The following CNTLN variants were observed in gnomAD, a reference collection of about 807,000 sequenced individuals.
CNTLN encodes centlein, centrosomal protein.
CNTLN carries 212 observed loss-of-function variants against 180.0 expected under a neutral mutation model. The ratio of observed to expected loss-of-function variants is 1.18; its 90% CI spans 1.05 to 1.32. The LOEUF (loss-of-function observed/expected upper bound fraction) is 1.32. Among genes scored for constraint, CNTLN ranks in the 40% most tolerant of loss-of-function variants. CNTLN has a pLI of 0.00. For synonymous variants in CNTLN, 722 were observed against 563.1 expected, an observed-to-expected ratio of 1.28 and a Z score of -3.99; for missense variants, 2,095 against 1,610.9, an observed-to-expected ratio of 1.30 and a Z score of -5.14.
chr9:17,316,579 A>G (rs897944383), intron 8 of CNTLN, among the ~76,000 whole-genome samples: 2 of 152,078 alleles, frequency 1.3e-5, no homozygotes, highest in Non-Finnish European at 2.9e-5. Flanking sequence ...TACTGAATGC[A>G]TATTGCTTTC....
chr9:17,433,036 A>AAAAC (rs938356651), intron 18 of CNTLN, among the ~76,000 whole-genome samples: 2 of 149,894 alleles, frequency 1.3e-5, no homozygotes, highest in African/African-American at 4.9e-5. Context: ...AAAAAAAAAA[A>AAAAC]AACAAAGATT....
the CNTLN span, among the ~76,000 whole-genome samples, chr9:17,514,293 G>C: frequency 2.0e-5 from 3 of 152,180 alleles, no homozygotes; most frequent in East Asian, 5.8e-4. Context: ...CTGAGAGACA[G>C]AGCAAGATGC....
At chr9:17,480,789 T>C (rs1832600614) in intron 23 of CNTLN, among the ~76,000 whole-genome samples, 1 of 152,196 alleles carries the variant, frequency 6.6e-6, no homozygotes, top group Non-Finnish European at 1.5e-5. Context: ...AAAAGTAAGT[T>C]CATGAACTGT....
intron 6 of CNTLN, among the ~76,000 whole-genome samples, chr9:17,274,564 T>G (rs1408986649): frequency 6.6e-6 from 1 of 152,014 alleles, no homozygotes; most frequent in African/African-American, 2.4e-5. Context: ...CATGTTTGTA[T>G]TTATTTTGCA....
At chr9:17,213,939 T>C (rs1823528106) in intron 2 of CNTLN, among the ~76,000 whole-genome samples, 1 of 152,172 alleles carries the variant, frequency 6.6e-6, no homozygotes, top group Non-Finnish European at 1.5e-5. Context: ...ATTTTGAGCG[T>C]ATGTGTGTCT....
chr9:17,300,196 TTGAAATC>T (rs1328830931), intron 7 of CNTLN: 2 of 152,164 alleles, frequency 1.3e-5, no homozygotes, highest in African/African-American at 2.4e-5. Flanking sequence ...ATCTGAAAAA[TTGAAATC>T]TGAAATGCTC....
chr9:17,258,797 A>C (rs1051539579), intron 5 of CNTLN, among the ~76,000 whole-genome samples: 1 of 145,600 alleles, frequency 6.9e-6, no homozygotes, highest in African/African-American at 2.7e-5. Context: ...GTGTATAAGA[A>C]TGCTTGTGAT....
chr9:17,312,750 T>C (rs541738696), intron 8 of CNTLN, among the ~76,000 whole-genome samples: 1 of 152,018 alleles, frequency 6.6e-6, no homozygotes, highest in African/African-American at 2.4e-5. Flanking sequence ...GCATATTGTT[T>C]TGGTGAAAGT....
At position 17,466,817 on chromosome 9, in the gene CNTLN, C is replaced by T. The variant is rs1831778135; in HGVS notation, c.3781C>T (p.Gln1261Ter). The change falls in exon 23 of 26, where the codon CAG (glutamine) becomes TAG (stop). Residue 1261 changes from glutamine (Q) to a stop codon, truncating the protein, a stop_gained. Coordinates refer to ENST00000380647, the MANE Select transcript of CNTLN (RefSeq NM_017738.4). LOFTEE classifies it high-confidence loss of function. Reference protein sequence around the residue: ...QLQELALQSEQVLEGAQKTLL... With the variant: ...QLQELALQSE ...TCAAGAATTAGCATTGCAAAGTGAA[C>T]AGGTCCTAGAAGGTGCACAGAAGAC... is the stretch of plus-strand genomic sequence containing the variant. 2 of 1,610,926 alleles carry T rather than the reference C, an allele frequency of 1.2e-6. No homozygotes were observed. The highest frequency in any genetic ancestry group is 1.3e-5 in the African/African-American group (1 of 74,638).
chr9:17,430,685 A>G (rs1374266621), intron 18 of CNTLN, among the ~76,000 whole-genome samples: 1 of 152,076 alleles, frequency 6.6e-6, no homozygotes, highest in African/African-American at 2.4e-5. Context: ...ACATTAACCA[A>G]GTTCTCTTCA....
At chr9:17,432,079 A>G (rs558232993) in intron 18 of CNTLN, among the ~76,000 whole-genome samples, 3 of 152,306 alleles carry the variant, frequency 2.0e-5, no homozygotes, top group Non-Finnish European at 2.9e-5. Flanking sequence ...TCTTGTATCA[A>G]TGTGAGAGAC....
At chr9:17,273,370 A>G (rs1413563273) in intron 5 of CNTLN, among the ~76,000 whole-genome samples, 1 of 152,172 alleles carries the variant, frequency 6.6e-6, no homozygotes, top group Non-Finnish European at 1.5e-5. Flanking sequence ...AAAACAGGGA[A>G]ATAAGTAAAT....
intron 13 of CNTLN, among the ~76,000 whole-genome samples, chr9:17,384,372 T>G (rs1002452042): frequency 6.6e-6 from 1 of 152,178 alleles, no homozygotes; most frequent in Non-Finnish European, 1.5e-5. Context: ...GTAACTTCCT[T>G]TTTAGAATAT....
intron 8 of CNTLN, among the ~76,000 whole-genome samples, chr9:17,312,357 A>ATATAT (rs1244559778): frequency 6.6e-5 from 1 of 15,038 alleles, no homozygotes; most frequent in Non-Finnish European, 2.2e-4. Flanking sequence ...ATATATATAT[A>ATATAT]TATATATTAT....
At chr9:17,373,639 T>G (rs1824512355) in intron 13 of CNTLN, among the ~76,000 whole-genome samples, 1 of 152,042 alleles carries the variant, frequency 6.6e-6, no homozygotes, top group African/African-American at 2.4e-5. Context: ...ATCCTAAAAT[T>G]TATATAGAAT....
intron 2 of CNTLN, among the ~76,000 whole-genome samples, chr9:17,223,623 A>G (rs1176276553): frequency 6.6e-6 from 1 of 152,006 alleles, no homozygotes; most frequent in East Asian, 1.9e-4. Flanking sequence ...GCATCTGCCT[A>G]TCATGTACAA....
At chr9:17,368,904 C>T (rs1025726555) in intron 13 of CNTLN, among the ~76,000 whole-genome samples, 4 of 152,160 alleles carry the variant, frequency 2.6e-5, no homozygotes, top group Admixed American at 2.0e-4. Context: ...TTGTACCCAT[C>T]TTCTCAAGAA....
At position 17,394,976 on chromosome 9, in the gene CNTLN, G is replaced by A. The variant is rs776415018; in HGVS notation, c.2522G>A (p.Arg841His). The A allele has an allele frequency of 7.6e-5, 123 of 1,613,586 alleles. 1 individual carries two copies. The highest frequency in any genetic ancestry group is 9.3e-5 in the African/African-American group (7 of 74,894). ...GCGAAGAAAAATTGCTCTGTGGGTC[G>A]TCACCACACTGTTCTCAATCATTCC... ...KAAKKNCSVG[R>H]HHTVLNHSIK... is the part of the protein sequence containing the mutation. The change falls in exon 15 of 26, where the codon CGT (arginine) becomes CAT (histidine). Residue 841 changes from arginine to histidine, a missense_variant. Coordinates refer to ENST00000380647, the MANE Select transcript of CNTLN (RefSeq NM_017738.4).
At chr9:17,242,082 A>G (rs1825528751) in intron 5 of CNTLN, among the ~76,000 whole-genome samples, 1 of 152,122 alleles carries the variant, frequency 6.6e-6, no homozygotes, top group South Asian at 2.1e-4. Context: ...ACTGTGCTGA[A>G]CAATAGTGGT....
Sources: gnomAD v4.1 joint callset for allele counts (sites outside exome capture counted in the v4.1 genomes callset) on GRCh38, gnomAD v4.1.1 for gene constraint, MANE v1.5 for transcripts, NCBI Gene and HGNC (gene_info 2026-07-23, HGNC 2026-07-21) for gene names.